The following SPHKAP variants were observed in gnomAD, a reference collection of about 807,000 sequenced individuals.
SPHKAP encodes SPHK1 interactor, AKAP domain containing.
A neutral mutation model predicts 137.5 loss-of-function variants in SPHKAP; 67 were observed. The observed-to-expected ratio is 0.49, with a 90% CI of 0.40 to 0.60. The LOEUF (loss-of-function observed/expected upper bound fraction) is 0.60, where lower values mean the gene tolerates loss of function less well. Among genes scored for constraint, SPHKAP ranks in the 20% least tolerant of loss-of-function variants. SPHKAP has a pLI of 0.00. For missense variants in SPHKAP, 2,097 were observed against 2,069.3 expected, an observed-to-expected ratio of 1.01 and a Z score of -0.26; for synonymous variants, 813 against 785.3, an observed-to-expected ratio of 1.04 and a Z score of -0.59.
chr2:228,025,209 GCT>G (rs1694988591), intron 5 of SPHKAP, among the ~76,000 whole-genome samples, 183 bp downstream of exon 5: 1 of 152,206 alleles, frequency 6.6e-6, no homozygotes, highest in Non-Finnish European at 1.5e-5. Flanking sequence ...TGTAAGAAAA[GCT>G]CTGTCAAACT....
At chr2:228,154,557 T>C (rs1400438788) in intron 1 of SPHKAP, among the ~76,000 whole-genome samples, 1 of 81,318 alleles carries the variant, frequency 1.2e-5, no homozygotes, top group Non-Finnish European at 2.5e-5. Flanking sequence ...TTTTTTTTTT[T>C]TTTTTTTTTG....
chr2:228,091,530 T>C (rs1697731087), intron 3 of SPHKAP, among the ~76,000 whole-genome samples: 1 of 152,058 alleles, frequency 6.6e-6, no homozygotes, highest in Non-Finnish European at 1.5e-5. Context: ...TGACAAAGAC[T>C]AAAATCCAGA....
At chr2:228,028,893 G>T (rs541986513) in intron 3 of SPHKAP, among the ~76,000 whole-genome samples, 1 of 152,170 alleles carries the variant, frequency 6.6e-6, no homozygotes, top group African/African-American at 2.4e-5. Context: ...ATTCAGATGG[G>T]GTTGGAGAAA....
intron 2 of SPHKAP, 35 bp downstream of exon 2, chr2:228,131,945 A>C: frequency 1.3e-6 from 2 of 1,598,880 alleles, no homozygotes; most frequent in Non-Finnish European, 1.7e-6. Flanking sequence ...TTCAAGTTCA[A>C]CTGACAAGAA....
intron 3 of SPHKAP, among the ~76,000 whole-genome samples, chr2:228,092,184 TACATGCATAC>T (rs1452130801): frequency 3.5e-5 from 5 of 142,230 alleles, no homozygotes; most frequent in African/African-American, 1.0e-4. Flanking sequence ...CACATGTGTG[TACATGCATAC>T]ACATGCATAC....
At chr2:228,122,152 A>AC (rs1482689692) in intron 2 of SPHKAP, among the ~76,000 whole-genome samples, 1 of 152,122 alleles carries the variant, frequency 6.6e-6, no homozygotes, top group African/African-American at 2.4e-5. Context: ...TTTAATACAC[A>AC]ATATATAAAA....
intron 7 of SPHKAP, among the ~76,000 whole-genome samples, chr2:228,003,633 C>T (rs1027846545): frequency 2.0e-5 from 3 of 152,182 alleles, no homozygotes; most frequent in Non-Finnish European, 4.4e-5. Flanking sequence ...GCATCCCTGT[C>T]TTGTGCCAGT....
intron 1 of SPHKAP, among the ~76,000 whole-genome samples, chr2:228,179,744 C>G (rs748760303): frequency 6.6e-6 from 1 of 152,142 alleles, no homozygotes. Flanking sequence ...TTGCTTTGCT[C>G]TTTATAAGGT....
intron 8 of SPHKAP, among the ~76,000 whole-genome samples, chr2:227,995,032 T>A (rs16824285): frequency 0.062 from 9,382 of 152,152 alleles, 403 homozygotes; most frequent in Non-Finnish European, 0.087. Flanking sequence ...TCTCTTAATC[T>A]CCTCTCTAGC....
intron 3 of SPHKAP, among the ~76,000 whole-genome samples, chr2:228,085,148 T>G (rs1697498283): frequency 1.3e-5 from 2 of 152,238 alleles, no homozygotes; most frequent in Non-Finnish European, 2.9e-5. Context: ...CACTGCACTG[T>G]GAAGAACAAT....
intron 3 of SPHKAP, among the ~76,000 whole-genome samples, chr2:228,080,440 C>T (rs1697325854): frequency 6.6e-6 from 1 of 152,142 alleles, no homozygotes; most frequent in African/African-American, 2.4e-5. Flanking sequence ...GGTGTGGTGG[C>T]TCACGCCAGT....
chr2:228,121,411 G>A (rs12987531), intron 2 of SPHKAP, among the ~76,000 whole-genome samples: 16,499 of 152,274 alleles, frequency 0.11, 1,133 homozygotes, highest in East Asian at 0.18. Flanking sequence ...AGCTACTCAG[G>A]AGGCTGAGGT....
chr2:228,160,193 C>G (rs565541185), intron 1 of SPHKAP, among the ~76,000 whole-genome samples: 67 of 152,312 alleles, frequency 4.4e-4, no homozygotes, highest in African/African-American at 1.5e-3. Flanking sequence ...TTGTATCAAT[C>G]ATGTCCATCT....
intron 3 of SPHKAP, among the ~76,000 whole-genome samples, chr2:228,040,231 G>A (rs1206122771): frequency 6.6e-6 from 1 of 152,182 alleles, no homozygotes; most frequent in Non-Finnish European, 1.5e-5. Flanking sequence ...ATCTGGCCAT[G>A]TGGGATATGA....
intron 3 of SPHKAP, among the ~76,000 whole-genome samples, chr2:228,089,054 T>G (rs187107566): frequency 1.6e-4 from 24 of 152,302 alleles, no homozygotes; most frequent in African/African-American, 5.5e-4. Context: ...GTGGGAAAAG[T>G]TGAGAGGGCT....
chr2:228,155,100 C>T (rs983391998), intron 1 of SPHKAP, among the ~76,000 whole-genome samples: 16 of 152,094 alleles, frequency 1.1e-4, no homozygotes, highest in African/African-American at 3.1e-4. Context: ...TAGTTCCTAG[C>T]TGTACCTTTG....
At chr2:228,158,322 C>CTT (rs1360178566) in intron 1 of SPHKAP, among the ~76,000 whole-genome samples, 4 of 97,748 alleles carry the variant, frequency 4.1e-5, no homozygotes, top group South Asian at 5.8e-4. Flanking sequence ...TAATTTACTT[C>CTT]TTTCTTTTTT....
intron 2 of SPHKAP, among the ~76,000 whole-genome samples, chr2:228,113,603 ATCTCTCTCTCTC>A (rs139499722): frequency 0.13 from 13,027 of 97,954 alleles, 943 homozygotes; most frequent in Non-Finnish European, 0.19. Context: ...GCATTTAGCC[ATCTCTCTCTCTC>A]TCTCTCTCTC....
At chr2:228,007,108 C>T (rs1326683914) in intron 7 of SPHKAP, among the ~76,000 whole-genome samples, 2 of 152,168 alleles carry the variant, frequency 1.3e-5, no homozygotes, top group Non-Finnish European at 2.9e-5. Context: ...GCATCGCTCA[C>T]GCTGGGAACT....
Sources: allele counts gnomAD v4.1 joint callset (sites outside exome capture counted in the v4.1 genomes callset), GRCh38; gene constraint gnomAD v4.1.1; transcripts MANE v1.5; gene names NCBI Gene and HGNC (gene_info 2026-07-23, HGNC 2026-07-21).